The following NID2 variants were observed in gnomAD, a reference collection of about 807,000 sequenced individuals.
The protein encoded by NID2 is nidogen-2.
NID2 carries 83 observed loss-of-function variants against 145.4 expected under a neutral mutation model. That is an observed-to-expected ratio of 0.57 (90% CI 0.48 to 0.69). The LOEUF (loss-of-function observed/expected upper bound fraction) is 0.69. NID2 is among the 30% of genes least tolerant of loss of function. The pLI is 0.00. For missense variants in NID2, 1,807 were observed against 1,765.7 expected, an observed-to-expected ratio of 1.02 and a Z score of -0.42; for synonymous variants, 739 against 701.3, an observed-to-expected ratio of 1.05 and a Z score of -0.85.
chr14:52,006,985 A>G (rs1890810724), intron 19 of NID2: 1 of 182,564 alleles, frequency 5.5e-6, no homozygotes, highest in African/African-American at 2.4e-5. Context: ...ATCTGGGTAA[A>G]TACTTGCCCT....
chr14:52,006,660 C>T lies in NID2; in HGVS notation c.3881G>A (p.Gly1294Glu), dbSNP rs1274921589. Reference sequence around the variant, plus strand: ...TAGTGTACACTCCAGTTTTTTGGTTCCTTTTAAAACAAAGGGGGAAAATGA... The same window carrying T: ...TAGTGTACACTCCAGTTTTTTGGTTTCTTTTAAAACAAAGGGGGAAAATGA... Reference protein sequence around the residue: ...FSKLLCWADAGTKKLECTLPD... With the variant: ...FSKLLCWADAETKKLECTLPD... The change falls in exon 20 of 22, where the codon GGA becomes GAA. Residue 1294 changes from glycine to glutamate, a missense_variant and splice_region_variant. Coordinates refer to ENST00000216286, the MANE Select transcript of NID2 (RefSeq NM_007361.4). 1 of 1,612,860 alleles carries T rather than the reference C, an allele frequency of 6.2e-7. No homozygotes were observed. The highest frequency in any genetic ancestry group is 8.5e-7 in the Non-Finnish European group (1 of 1,179,304).
intron 12 of NID2, among the ~76,000 whole-genome samples, chr14:52,024,477 C>A (rs1891512629): frequency 6.6e-6 from 1 of 152,142 alleles, no homozygotes; most frequent in Non-Finnish European, 1.5e-5. Flanking sequence ...GTGGATCTTT[C>A]CCCAGTTAAG....
At chr14:52,050,928 C>A (rs765681706) in intron 5 of NID2, among the ~76,000 whole-genome samples, 1 of 152,112 alleles carries the variant, frequency 6.6e-6, no homozygotes. Flanking sequence ...AAATGCCAGC[C>A]AAAACTTCCA....
In NID2 at chr14:52,015,267, G is replaced by T. The variant is rs778733383; in HGVS notation, c.3037C>A (p.Gln1013Lys). ...CGCTCACAGATGGTCGGGGGCCTCT[G>T]GGTGGGCTCTGAGCAGATGGGGAAG... is the stretch of plus-strand genomic sequence containing the variant. ...PHCGPSPEPT[Q>K]RPPTICERWR... The change falls in exon 15 of 22, where the codon CAG (glutamine) becomes AAG (lysine). Residue 1013 changes from glutamine (Q) to lysine (K), a missense_variant. Coordinates refer to ENST00000216286, the MANE Select transcript of NID2 (RefSeq NM_007361.4). 1.2e-6 allele frequency: 2 copies of T among 1,610,680 alleles called. No homozygotes were observed.
intron 11 of NID2, among the ~76,000 whole-genome samples, chr14:52,028,171 G>GT (rs1252537751): frequency 1.3e-5 from 2 of 152,156 alleles, no homozygotes; most frequent in Non-Finnish European, 2.9e-5. Context: ...CCCAACTGAG[G>GT]TGGGCATCCT....
At chr14:52,038,529 T>G (rs368331209) in intron 9 of NID2, among the ~76,000 whole-genome samples, 1 of 152,208 alleles carries the variant, frequency 6.6e-6, no homozygotes, top group East Asian at 1.9e-4. Flanking sequence ...TCACATACTA[T>G]GCTCTATTTC....
chr14:52,052,385 G>C (rs1892707834), intron 5 of NID2, among the ~76,000 whole-genome samples: 1 of 152,182 alleles, frequency 6.6e-6, no homozygotes, highest in African/African-American at 2.4e-5. Context: ...GAACCAGTGA[G>C]TGCAGACACG....
At chr14:52,017,119 C>A (rs187695017) in intron 14 of NID2, among the ~76,000 whole-genome samples, 39 of 152,298 alleles carry the variant, frequency 2.6e-4, no homozygotes, top group Non-Finnish European at 4.6e-4. Context: ...CCCAATTCCA[C>A]CCCTGCTCCA....
intron 9 of NID2, among the ~76,000 whole-genome samples, chr14:52,033,619 T>TG (rs34251051): frequency 0.99 from 150,810 of 152,366 alleles, 74,659 homozygotes; most frequent in Middle Eastern, 1. Context: ...TTCCAACAAC[T>TG]ATCGTTCCCT....
Position 52,054,070 on chromosome 14 carries a change from C to T in NID2, c.1019G>A (p.Ser340Asn). The T allele has an allele frequency of 6.2e-7, 1 of 1,614,204 alleles. No homozygotes were observed. Among genetic ancestry groups the T allele is most frequent in the South Asian group, 1.1e-5 (1 of 91,084 alleles). The change falls in exon 4 of 22, where the codon AGC (serine) becomes AAC (asparagine). Residue 340 changes from serine (S) to asparagine (N), a missense_variant. Physicochemically the swap from Ser to Asn is conservative, Grantham distance 46 (BLOSUM62 1). Coordinates refer to ENST00000216286, the MANE Select transcript of NID2 (RefSeq NM_007361.4). ...GGATTGGAAGGAAACATCAATGCTGCTGTGGCCATTCAATGCCTCCTCTGG... is the reference window on the plus strand; with the variant it reads ...GGATTGGAAGGAAACATCAATGCTGTTGTGGCCATTCAATGCCTCCTCTGG... ...GEPEEALNGH[S>N]SIDVSFQSKV...
At chr14:52,029,827 C>G in intron 9 of NID2, 137 bp from the exon 10 acceptor site, 1 of 689,868 alleles carries the variant, frequency 1.4e-6, no homozygotes, top group Non-Finnish European at 2.3e-6. Flanking sequence ...TTATCCATAT[C>G]TGAAGCTAGG....
intron 2 of NID2, among the ~76,000 whole-genome samples, chr14:52,066,444 T>G (rs111763654): frequency 0.011 from 1,723 of 152,224 alleles, 31 homozygotes; most frequent in African/African-American, 0.039. Flanking sequence ...TTTAAATAAC[T>G]AAGAGTGTAA....
intron 9 of NID2, among the ~76,000 whole-genome samples, chr14:52,030,057 T>C (rs1487212545): frequency 7.9e-5 from 12 of 152,238 alleles, no homozygotes; most frequent in Non-Finnish European, 1.8e-4. Context: ...TTTTCACAGA[T>C]AAGGAAATCA....
At chr14:52,056,945 C>A (rs988892980) in intron 3 of NID2, among the ~76,000 whole-genome samples, 4 of 152,116 alleles carry the variant, frequency 2.6e-5, no homozygotes, top group African/African-American at 9.7e-5. Context: ...GTATGACAAA[C>A]ATTATGAACT....
rs1465344880 is a variant in NID2, at chr14:52,011,546, C to T, written c.3550+8G>A. 3.1e-6 allele frequency: 5 copies of T among 1,614,022 alleles called. No homozygotes were observed. The East Asian group carries it at 1.1e-4, about 36-fold the overall frequency. ...ATGAAATGCAGACTGCTGAGTGAAG[C>T]TGCTGACCTGAATTCACGATCGTCT... On this transcript the variant is annotated splice_region_variant and intron_variant, in intron 17 of 21. Transcript: ENST00000216286.
At chr14:52,068,619 G>A in intron 1 of NID2, 148 bp downstream of exon 1, 1 of 677,366 alleles carries the variant, frequency 1.5e-6, no homozygotes, top group East Asian at 2.7e-5. Context: ...GCAGGCAGCG[G>A]CATCGCTCTC....
rs1893271198 is a variant in NID2 at position 52,067,755 on chromosome 14, G to C, written c.534+103C>G. 6.6e-6 allele frequency: 9 copies of C among 1,355,824 alleles called. No individual in the cohort carries two copies. In the South Asian group the frequency reaches 8.4e-5, roughly 13 times the overall value. The allele number at this position is 1,355,824 out of a possible 1,614,324, so 84.0% of individuals were successfully genotyped here. ...GCCTCCAAGGTCAGGTTCAGCGCAA[G>C]AGTAGGCTCAGAAACAACTCCGAGC... On this transcript the variant is annotated intron_variant, in intron 2 of 21. Coordinates refer to ENST00000216286, the MANE Select transcript of NID2 (RefSeq NM_007361.4).
At chr14:52,059,904 C>T (rs1398019518) in intron 3 of NID2, among the ~76,000 whole-genome samples, 1 of 152,174 alleles carries the variant, frequency 6.6e-6, no homozygotes, top group Non-Finnish European at 1.5e-5. Context: ...TGTTCTGTTT[C>T]CAGTATCTAT....
At chr14:52,060,776 A>T (rs1239857493) in intron 2 of NID2, among the ~76,000 whole-genome samples, 1 of 152,170 alleles carries the variant, frequency 6.6e-6, no homozygotes, top group Non-Finnish European at 1.5e-5. Context: ...TCTCATTTGC[A>T]TCATTCATTC....
Sources: gnomAD v4.1 joint callset for allele counts (sites outside exome capture counted in the v4.1 genomes callset) on GRCh38, gnomAD v4.1.1 for gene constraint, MANE v1.5 for transcripts, NCBI Gene and HGNC (gene_info 2026-07-23, HGNC 2026-07-21) for gene names.